The following TENM4 variants were observed in gnomAD, a reference collection of about 807,000 sequenced individuals.
The protein encoded by TENM4 is teneurin-4.
A neutral mutation model predicts 243.3 loss-of-function variants in TENM4; 82 were observed. That is an observed-to-expected ratio of 0.34 (90% CI 0.28 to 0.40). The LOEUF (loss-of-function observed/expected upper bound fraction) is 0.40. TENM4 is among the 10% of genes least tolerant of loss of function. The pLI is 1.00. For synonymous variants in TENM4, 1,412 were observed against 1,456.3 expected, an observed-to-expected ratio of 0.97 and a Z score of 0.69; for missense variants, 3,138 against 3,673.3, an observed-to-expected ratio of 0.85 and a Z score of 3.77.
chr11:78,984,458 T>G (rs912068832), intron 6 of TENM4, among the ~76,000 whole-genome samples: 4 of 152,128 alleles, frequency 2.6e-5, no homozygotes, highest in Non-Finnish European at 5.9e-5. Context: ...GTCCCACTGG[T>G]GAACTAAACT....
At chr11:78,902,102 G>A (rs956879067) in intron 7 of TENM4, among the ~76,000 whole-genome samples, 1 of 152,110 alleles carries the variant, frequency 6.6e-6, no homozygotes, top group Non-Finnish European at 1.5e-5. Context: ...TAAAATCTAC[G>A]TTTCCCACTA....
intron 1 of TENM4, among the ~76,000 whole-genome samples, chr11:79,389,286 G>A (rs1332305969): frequency 6.6e-6 from 1 of 152,164 alleles, no homozygotes; most frequent in African/African-American, 2.4e-5. Flanking sequence ...CTCCTGAGTA[G>A]CTGAGATTAT....
At chr11:78,676,533 T>C in intron 29 of TENM4, 146 bp from the exon 30 acceptor site, 1 of 512,304 alleles carries the variant, frequency 2.0e-6, no homozygotes, top group South Asian at 6.0e-5. Flanking sequence ...GCGAGGAAAA[T>C]ACATGGAGAA....
At position 78,658,533 on chromosome 11, in the gene TENM4, T is replaced by C; in HGVS notation, c.7835A>G (p.Asp2612Gly). The C allele has an allele frequency of 6.2e-7, 1 of 1,614,024 alleles. No homozygotes were observed. The highest frequency in any genetic ancestry group is 8.5e-7 in the Non-Finnish European group (1 of 1,179,894). Residue 2612 changes from aspartate to glycine, a missense_variant, in exon 34 of 34, where the codon GAT becomes GGT. Asp to Gly is a moderately conservative substitution (Grantham distance 94, BLOSUM62 -1). Coordinates refer to ENST00000278550, the MANE Select transcript of TENM4 (RefSeq NM_001098816.3). ...HYLENLHFTI[D>G]GVDTHYFVKP... ...CACAAAGTAATGGGTATCCACCCCATCAATGGTGAAGTGCAGGTTCTCTAG... is the reference window on the plus strand; with the variant it reads ...CACAAAGTAATGGGTATCCACCCCACCAATGGTGAAGTGCAGGTTCTCTAG...
intron 9 of TENM4, among the ~76,000 whole-genome samples, chr11:78,886,478 G>T: frequency 6.6e-6 from 1 of 152,226 alleles, no homozygotes; most frequent in East Asian, 1.9e-4. Context: ...GTGAAGCAAG[G>T]GTGGGATGGC....
chr11:79,167,611 G>A (rs1862943040), intron 3 of TENM4, among the ~76,000 whole-genome samples: 1 of 152,166 alleles, frequency 6.6e-6, no homozygotes, highest in Non-Finnish European at 1.5e-5. Flanking sequence ...CCACATTCTC[G>A]TGTATTTAGA....
intron 6 of TENM4, among the ~76,000 whole-genome samples, chr11:79,014,934 G>A (rs986733408): frequency 2.0e-5 from 3 of 152,142 alleles, no homozygotes; most frequent in Admixed American, 2.0e-4. Flanking sequence ...TAACTTCATT[G>A]TTTCACTCTA....
intron 1 of TENM4, among the ~76,000 whole-genome samples, chr11:79,349,476 C>T (rs1479239959): frequency 6.6e-6 from 1 of 152,108 alleles, no homozygotes; most frequent in African/African-American, 2.4e-5. Context: ...TGTTGAGTCC[C>T]CAGAATCAAT....
rs1860364974 is a variant in TENM4 at position 79,069,894 on chromosome 11, G to A, written c.51C>T (p.Asp17=). 6.5e-7 allele frequency: 1 copy of A among 1,548,432 alleles called. No individual in the cohort carries two copies. The highest frequency in any genetic ancestry group is 2.0e-5 in the Admixed American group (1 of 50,988). ...KPYRSLTRRR[D]AERRYTSSSA... ...ACGAGCTGGTGTAGCGGCGCTCGGC[G>A]TCGCGGCGCCGGGTCAGCGAGCGGT... The change falls in exon 5 of 34, where the codon GAC becomes GAT. Residue 17 remains aspartate, a synonymous_variant. Transcript: ENST00000278550.
chr11:79,338,055 T>G (rs377314051), intron 1 of TENM4, among the ~76,000 whole-genome samples: 2 of 152,242 alleles, frequency 1.3e-5, no homozygotes, highest in Non-Finnish European at 2.9e-5. Flanking sequence ...GCTTCTCAAC[T>G]GTCTCTTCCC....
chr11:79,324,247 G>A (rs1486473174), intron 1 of TENM4, among the ~76,000 whole-genome samples: 1 of 151,484 alleles, frequency 6.6e-6, no homozygotes, highest in Admixed American at 6.6e-5. Context: ...TTAGAGACAG[G>A]GTCTCACTCT....
intron 3 of TENM4, among the ~76,000 whole-genome samples, chr11:79,155,509 A>T (rs1862591191): frequency 6.6e-6 from 1 of 152,010 alleles, no homozygotes; most frequent in African/African-American, 2.4e-5. Context: ...ATCAAGATAG[A>T]CTCCAGAGTG....
At chr11:78,743,014 C>T (rs1015353129) in intron 19 of TENM4, among the ~76,000 whole-genome samples, 3 of 152,122 alleles carry the variant, frequency 2.0e-5, no homozygotes, top group East Asian at 3.9e-4. Flanking sequence ...TTTTTCCCAA[C>T]CTGGTATAAA....
chr11:78,918,281 T>C (rs1419580899), intron 6 of TENM4, among the ~76,000 whole-genome samples: 10 of 152,196 alleles, frequency 6.6e-5, no homozygotes, highest in Admixed American at 6.5e-4. Context: ...GTGCTGTTTA[T>C]AGAGCAGTCC....
intron 6 of TENM4, among the ~76,000 whole-genome samples, chr11:78,939,445 T>C (rs936658627): frequency 6.6e-6 from 1 of 152,232 alleles, no homozygotes; most frequent in African/African-American, 2.4e-5. Flanking sequence ...TTCACAACAA[T>C]GTCTTGTTCT....
chr11:79,039,185 GA>G (rs11341060), intron 6 of TENM4, among the ~76,000 whole-genome samples: 16,884 of 152,206 alleles, frequency 0.11, 1,100 homozygotes, highest in Middle Eastern at 0.14. Flanking sequence ...GCTAGGTGAA[GA>G]AACAACCCTT....
intron 6 of TENM4, among the ~76,000 whole-genome samples, chr11:78,964,452 A>G (rs1857398813): frequency 6.6e-6 from 1 of 152,208 alleles, no homozygotes; most frequent in South Asian, 2.1e-4. Context: ...TTCAGCAAGA[A>G]GAATTGAAGC....
In TENM4 at chr11:79,007,583, T is replaced by C. The variant is rs191864219; in HGVS notation, c.493+57155A>G. On this transcript the variant is annotated intron_variant, in intron 6 of 33. Transcript: ENST00000278550. ...TTGCTAAGAGGCTGCGGAGACCCTTTCCTGAGACAAGGAGTAAGGCAGGCT... is the reference window on the plus strand; with the variant it reads ...TTGCTAAGAGGCTGCGGAGACCCTTCCCTGAGACAAGGAGTAAGGCAGGCT... Among the ~76,000 whole-genome samples, 458 of 152,248 alleles carry C rather than the reference T, an allele frequency of 3.0e-3. 3 individuals are homozygous for C. Among genetic ancestry groups the C allele is most frequent in the Non-Finnish European group, 1.2e-3 (84 of 68,012 alleles).
At chr11:78,836,817 C>T (rs556224105) in intron 12 of TENM4, among the ~76,000 whole-genome samples, 1 of 152,218 alleles carries the variant, frequency 6.6e-6, no homozygotes, top group Admixed American at 6.5e-5. Flanking sequence ...ATGGTTTTAA[C>T]TTAATGCAAT....
Sources: gnomAD v4.1 joint callset for allele counts (sites outside exome capture counted in the v4.1 genomes callset) on GRCh38, gnomAD v4.1.1 for gene constraint, MANE v1.5 for transcripts, NCBI Gene and HGNC (gene_info 2026-07-23, HGNC 2026-07-21) for gene names.